The following TRMT2B variants were observed in gnomAD, a reference collection of about 807,000 sequenced individuals.
TRMT2B encodes tRNA methyltransferase 2B.
In TRMT2B, 34 loss-of-function variants were observed where a neutral mutation model predicts 39.7. The ratio of observed to expected loss-of-function variants is 0.86; its 90% CI spans 0.65 to 1.14. The LOEUF is 1.14. TRMT2B is among the 50% of genes most tolerant of loss of function. The probability of loss-of-function intolerance (pLI) is 0.00; values close to 1 mark genes in which losing one functional copy is unlikely to be tolerated. For missense variants in TRMT2B, 318 were observed against 377.2 expected (o/e 0.84, Z 1.30); for synonymous variants, 132 against 137.3 (o/e 0.96, Z 0.27).
At chrX:101,001,982 T>C in the TRMT2B span, among the ~76,000 whole-genome samples, 1 of 111,422 alleles carries the variant, frequency 9.0e-6, no homozygotes, top group South Asian at 3.8e-4. Flanking sequence ...TTTGCTTTTT[T>C]GTTTTTAACT....
Position 101,035,626 on chromosome X carries a change from C to T in TRMT2B, c.596G>A (p.Ser199Asn). Residue 199 changes from serine (S) to asparagine (N), a missense_variant, in exon 7 of 14, where the codon AGT becomes AAT. Ser to Asn is a conservative substitution (Grantham distance 46). Transcript: ENST00000372936. ...NHLKNIPEKH[S>N]QVAQYYEVFL... ...GTTCCATTTTACCTGCGCCACTTGA[C>T]TGTGTTTCTCAGGGATGTTTTTCAG... is the stretch of plus-strand genomic sequence containing the variant. The T allele has an allele frequency of 8.3e-7, 1 of 1,210,725 alleles. No individual in the cohort carries two copies. The highest frequency in any genetic ancestry group is 1.1e-6 in the Non-Finnish European group (1 of 894,581).
intron 5 of TRMT2B, 75 bp downstream of exon 5, chrX:101,037,842 A>G: frequency 2.9e-6 from 3 of 1,050,388 alleles, no homozygotes; most frequent in Non-Finnish European, 3.9e-6. Flanking sequence ...CCTAGCAAGT[A>G]CCCAGTAAAT....
chrX:100,986,200 TC>T, the TRMT2B span, among the ~76,000 whole-genome samples: 1 of 112,033 alleles, frequency 8.9e-6, no homozygotes, highest in Non-Finnish European at 1.9e-5. Context: ...CCTTGACTCT[TC>T]CTGAAGACTA....
chrX:101,002,897 T>TA, the TRMT2B span, among the ~76,000 whole-genome samples: 1 of 109,876 alleles, frequency 9.1e-6, no homozygotes, highest in African/African-American at 3.3e-5. Context: ...TACACGAAAA[T>TA]AAAAAAGTTA....
At chrX:100,991,535 C>T in the TRMT2B span, among the ~76,000 whole-genome samples, 4 of 110,780 alleles carry the variant, frequency 3.6e-5, no homozygotes, top group Admixed American at 9.7e-5. Context: ...CCCACCACCA[C>T]GGCCAGCTTT....
At chrX:100,987,573 A>G in the TRMT2B span, 3 of 1,205,366 alleles carry the variant, frequency 2.5e-6, no homozygotes, top group Non-Finnish European at 3.4e-6. Flanking sequence ...AGATGCCGCT[A>G]TGAGATTTGC....
intron 7 of TRMT2B, among the ~76,000 whole-genome samples, chrX:101,033,843 CTT>C (rs770967318): frequency 2.1e-4 from 20 of 96,476 alleles, no homozygotes; most frequent in Admixed American, 2.3e-4. Context: ...TTAACATTTC[CTT>C]TTTTTTTTTT....
chrX:101,043,327 T>C (rs2051138352), intron 2 of TRMT2B, among the ~76,000 whole-genome samples: 1 of 106,567 alleles, frequency 9.4e-6, no homozygotes, highest in Non-Finnish European at 1.9e-5. Flanking sequence ...ATCCCAACAC[T>C]TTGGGAGGTT....
the TRMT2B span, chrX:100,985,972 A>G: frequency 8.7e-7 from 1 of 1,146,574 alleles, no homozygotes; most frequent in Non-Finnish European, 1.2e-6. Flanking sequence ...CCTTAAAAGT[A>G]TAGAAATGAA....
At chrX:101,024,786 A>T (rs985108226) in intron 7 of TRMT2B, among the ~76,000 whole-genome samples, 1 of 110,574 alleles carries the variant, frequency 9.0e-6, no homozygotes, top group Admixed American at 9.7e-5. Flanking sequence ...GCACCACTGC[A>T]CTCCAGCCTG....
chrX:101,021,809 C>T (rs1052660692), intron 9 of TRMT2B, among the ~76,000 whole-genome samples, 159 bp downstream of exon 9: 6 of 112,249 alleles, frequency 5.3e-5, no homozygotes, highest in Admixed American at 1.9e-4. Context: ...TGGACACTCT[C>T]ACATCTACAT....
the TRMT2B span, chrX:100,987,509 A>T: frequency 1.9e-5 from 23 of 1,209,621 alleles, no homozygotes; most frequent in Non-Finnish European, 2.5e-5. Flanking sequence ...CGAGCATCTC[A>T]ATCTCCAAGA....
intron 4 of TRMT2B, among the ~76,000 whole-genome samples, chrX:101,039,147 G>T (rs1392495054): frequency 1.8e-5 from 2 of 110,531 alleles, no homozygotes; most frequent in African/African-American, 6.6e-5. Context: ...CTGCTCACCT[G>T]CAACCTCCGC....
At chrX:101,022,568 C>G (rs1172903812) in intron 8 of TRMT2B, among the ~76,000 whole-genome samples, 1 of 107,239 alleles carries the variant, frequency 9.3e-6, no homozygotes, top group African/African-American at 3.4e-5. Context: ...TTGCAGTGAA[C>G]TGAGATCATG....
At chrX:101,024,623 G>A (rs774406224) in intron 7 of TRMT2B, among the ~76,000 whole-genome samples, 2 of 111,352 alleles carry the variant, frequency 1.8e-5, no homozygotes, top group African/African-American at 3.3e-5. Flanking sequence ...TCAGGAGTTC[G>A]AGACCAGCTG....
At chrX:101,017,421 C>T (rs1201852840) in intron 13 of TRMT2B, among the ~76,000 whole-genome samples, 1 of 111,161 alleles carries the variant, frequency 9.0e-6, no homozygotes, top group Non-Finnish European at 1.9e-5. Flanking sequence ...CTTTTTCTAG[C>T]TCATGACTTG....
intron 2 of TRMT2B, among the ~76,000 whole-genome samples, chrX:101,046,373 G>A (rs1170512795): frequency 9.0e-6 from 1 of 110,546 alleles, no homozygotes; most frequent in East Asian, 2.9e-4. Flanking sequence ...ATTAGGTCTG[G>A]GACAAAAGAA....
At chrX:101,012,981 C>G (rs950007508) in intron 13 of TRMT2B, among the ~76,000 whole-genome samples, 1 of 110,580 alleles carries the variant, frequency 9.0e-6, no homozygotes, top group Non-Finnish European at 1.9e-5. Context: ...ACCACCACAC[C>G]CAGCTAATTT....
At chrX:101,020,375 C>T in intron 11 of TRMT2B, 112 bp downstream of exon 11, 2 of 600,014 alleles carry the variant, frequency 3.3e-6, no homozygotes, top group Admixed American at 5.2e-5. Context: ...GAATTCCCTC[C>T]CTTCCTCCCT....
Sources: gnomAD v4.1 joint callset for allele counts (sites outside exome capture counted in the v4.1 genomes callset) on GRCh38, gnomAD v4.1.1 for gene constraint, MANE v1.5 for transcripts, NCBI Gene and HGNC (gene_info 2026-07-23, HGNC 2026-07-21) for gene names.